SAMD5: variants seen among roughly 807,000 people sequenced by gnomAD.
SAMD5 encodes sterile alpha motif domain-containing protein 5.
SAMD5 carries 13 observed loss-of-function variants against 11.3 expected under a neutral mutation model. That is an observed-to-expected ratio of 1.15 (90% confidence interval 0.75 to 1.83). SAMD5 has a LOEUF of 1.83. Among genes scored for constraint, SAMD5 ranks in the 40% most tolerant of loss-of-function variants. The pLI is 0.00. For synonymous variants in SAMD5, 129 were observed against 111.3 expected (o/e 1.16, Z -1.00); for missense variants, 255 against 239.1 (o/e 1.07, Z -0.44).
At chr6:147,826,660 TC>T in the SAMD5 span, among the ~76,000 whole-genome samples, 1 of 152,322 alleles carries the variant, frequency 6.6e-6, no homozygotes, top group Middle Eastern at 3.4e-3. Context: ...AGTTGACAAT[TC>T]TTAAAGTGGC....
chr6:147,748,776 T>TA, the SAMD5 span, among the ~76,000 whole-genome samples: 2 of 152,174 alleles, frequency 1.3e-5, no homozygotes, highest in Non-Finnish European at 2.9e-5. Flanking sequence ...AGTAATTCCC[T>TA]AAAAAAGCAA....
At chr6:147,719,404 G>T (rs139334149) in intron 1 of SAMD5, among the ~76,000 whole-genome samples, 353 of 152,242 alleles carry the variant, frequency 2.3e-3, no homozygotes, top group Non-Finnish European at 4.0e-3. Context: ...TCTGTTGAGG[G>T]CCTATGGCTC....
intron 1 of SAMD5, among the ~76,000 whole-genome samples, chr6:147,734,293 CTGT>C (rs1191918619): frequency 3.9e-5 from 6 of 152,172 alleles, no homozygotes; most frequent in African/African-American, 1.2e-4. Flanking sequence ...CCTGTAAAGT[CTGT>C]TGTTTTTTCT....
At chr6:147,840,092 A>G in the SAMD5 span, among the ~76,000 whole-genome samples, 1 of 152,236 alleles carries the variant, frequency 6.6e-6, no homozygotes, top group Non-Finnish European at 1.5e-5. Context: ...AGCATTCATC[A>G]AAGGAAATGT....
At chr6:147,796,421 T>G in the SAMD5 span, among the ~76,000 whole-genome samples, 2 of 152,192 alleles carry the variant, frequency 1.3e-5, no homozygotes, top group African/African-American at 4.8e-5. Flanking sequence ...GTTCCATTGA[T>G]CTATATCTCT....
downstream of SAMD5, among the ~76,000 whole-genome samples, chr6:147,572,183 AGAT>A (rs574945807): frequency 9.1e-3 from 1,383 of 152,202 alleles, 14 homozygotes; most frequent in Middle Eastern, 0.024. Flanking sequence ...AGGTTATGTG[AGAT>A]GGTTAGACAG....
chr6:147,856,906 A>G, the SAMD5 span, among the ~76,000 whole-genome samples: 7 of 151,794 alleles, frequency 4.6e-5, 1 homozygote, highest in African/African-American at 1.7e-4. Context: ...GTCGGCAACA[A>G]TGCATCCTGT....
intron 1 of SAMD5, among the ~76,000 whole-genome samples, chr6:147,600,970 C>T (rs569518449): frequency 9.2e-4 from 140 of 152,260 alleles, no homozygotes; most frequent in African/African-American, 3.2e-3. Context: ...TCATCACAAT[C>T]GTAGAATCTT....
At chr6:147,650,974 T>C (rs1367724703) in intron 1 of SAMD5, among the ~76,000 whole-genome samples, 1 of 152,214 alleles carries the variant, frequency 6.6e-6, no homozygotes, top group Non-Finnish European at 1.5e-5. Flanking sequence ...TATGAATTTC[T>C]ATTAACTCTG....
At chr6:147,820,613 G>A in the SAMD5 span, among the ~76,000 whole-genome samples, 1 of 151,320 alleles carries the variant, frequency 6.6e-6, no homozygotes, top group Non-Finnish European at 1.5e-5. Context: ...CACCGTAGGA[G>A]ACCATAGTAG....
the SAMD5 span, among the ~76,000 whole-genome samples, chr6:147,745,002 AT>A: frequency 1.3e-5 from 2 of 152,178 alleles, no homozygotes; most frequent in African/African-American, 4.8e-5. Context: ...AACAAGAACA[AT>A]TATAAGATGG....
the SAMD5 span, among the ~76,000 whole-genome samples, chr6:147,838,959 C>G: frequency 6.6e-6 from 1 of 152,140 alleles, no homozygotes; most frequent in African/African-American, 2.4e-5. Context: ...CCATCTGGGG[C>G]CTGGAATAAA....
intron 1 of SAMD5, among the ~76,000 whole-genome samples, chr6:147,726,167 G>A (rs534764443): frequency 2.6e-4 from 40 of 152,266 alleles, no homozygotes; most frequent in Admixed American, 1.6e-3. Context: ...CTTCAATGAG[G>A]CTGTTCACAA....
the SAMD5 span, among the ~76,000 whole-genome samples, chr6:147,818,492 T>C: frequency 8.4e-3 from 1,284 of 152,310 alleles, 25 homozygotes; most frequent in African/African-American, 0.029. Context: ...ACAATTTTAG[T>C]GTGCAGGACT....
chr6:147,631,780 C>T (rs968800123), intron 1 of SAMD5, among the ~76,000 whole-genome samples: 1 of 152,090 alleles, frequency 6.6e-6, no homozygotes, highest in Non-Finnish European at 1.5e-5. Context: ...AATCCCCAAG[C>T]TTGATGTGTA....
intron 1 of SAMD5, among the ~76,000 whole-genome samples, chr6:147,549,700 A>C (rs1788738856): frequency 6.6e-6 from 1 of 151,932 alleles, no homozygotes; most frequent in Non-Finnish European, 1.5e-5. Flanking sequence ...CCTTTGCCTC[A>C]TGTTTTGTTT....
At chr6:147,526,293 TATTA>T (rs1484371966) in intron 1 of SAMD5, among the ~76,000 whole-genome samples, 1 of 152,222 alleles carries the variant, frequency 6.6e-6, no homozygotes, top group Admixed American at 6.5e-5. Flanking sequence ...ATTCAGCAAA[TATTA>T]ATTGAGCACC....
intron 1 of SAMD5, among the ~76,000 whole-genome samples, chr6:147,671,912 T>TA (rs869292270): frequency 1.4e-5 from 2 of 147,804 alleles, no homozygotes; most frequent in African/African-American, 2.5e-5. Context: ...TTTTTTTTTT[T>TA]AGCTCATCTT....
At chr6:147,686,387 T>A (rs1214688710) in intron 1 of SAMD5, among the ~76,000 whole-genome samples, 4 of 152,218 alleles carry the variant, frequency 2.6e-5, no homozygotes, top group African/African-American at 9.6e-5. Flanking sequence ...TATTATCTTC[T>A]AAATGCCATA....
Sources: allele counts gnomAD v4.1 joint callset (sites outside exome capture counted in the v4.1 genomes callset), GRCh38; gene constraint gnomAD v4.1.1; transcripts MANE v1.5; gene names NCBI Gene and HGNC (gene_info 2026-07-23, HGNC 2026-07-21).